Variants in MFSD6 observed in about 807,000 individuals in gnomAD.
The protein encoded by MFSD6 is major facilitator superfamily domain containing 6.
MFSD6 carries 26 observed loss-of-function variants against 56.3 expected under a neutral mutation model. The ratio of observed to expected loss-of-function variants is 0.46; its 90% CI spans 0.34 to 0.64. The LOEUF is 0.64. Among genes scored for constraint, MFSD6 ranks in the 30% least tolerant of loss-of-function variants. The pLI is 0.01. For synonymous variants in MFSD6, 331 were observed against 366.9 expected (o/e 0.90, Z 1.12); for missense variants, 750 against 986.2 (o/e 0.76, Z 3.21).
chr2:190,464,614 G>A (rs1687501520), intron 3 of MFSD6, among the ~76,000 whole-genome samples: 1 of 152,146 alleles, frequency 6.6e-6, no homozygotes, highest in African/African-American at 2.4e-5. Context: ...TGCCTGTGAT[G>A]CTCTTTCTGC....
At position 190,410,309 on chromosome 2, in the gene MFSD6, G is replaced by C. The variant is rs1401735210; in HGVS notation, c.-176+1806G>C. ...GCATGACAAAAAGGAAGCTCAGAAGGGTTAAGCAACTTACACAAACCACAT... is the reference window on the plus strand; with the variant it reads ...GCATGACAAAAAGGAAGCTCAGAAGCGTTAAGCAACTTACACAAACCACAT... On this transcript the variant is annotated intron_variant, in intron 1 of 7. Coordinates refer to ENST00000392328, the MANE Select transcript of MFSD6 (RefSeq NM_017694.4). This position sits in a 1 kb window ranked among gnomAD's most constrained non-coding sequence, Gnocchi z 4.4. Among the ~76,000 whole-genome samples the C allele has an allele frequency of 6.6e-6, 1 of 152,088 alleles. No individual in the cohort carries two copies. The highest frequency in any genetic ancestry group is 1.5e-5 in the Non-Finnish European group (1 of 68,024).
rs987361456 is a variant in MFSD6 at position 190,459,477 on chromosome 2, G to GGT, written c.1533-10271_1533-10270dup. ...GAAATTTTTAAACAAAATTGTAGGG[G>GGT]GTGTGTGTGTGAATATGTTCAGTCA... is the stretch of plus-strand genomic sequence containing the variant. On this transcript the variant is annotated intron_variant, in intron 3 of 7. Transcript: ENST00000392328. The surrounding 1 kb of genome is among the most constrained non-coding windows in gnomAD (Gnocchi z 5.3). Among the ~76,000 whole-genome samples, 42 of 152,142 alleles carry GGT rather than the reference G, an allele frequency of 2.8e-4. No individual in the cohort carries two copies. The highest frequency in any genetic ancestry group is 9.2e-4 in the African/African-American group (38 of 41,520).
intron 1 of MFSD6, among the ~76,000 whole-genome samples, chr2:190,414,441 TTAAA>T: frequency 6.6e-6 from 1 of 152,216 alleles, no homozygotes; most frequent in East Asian, 1.9e-4. Context: ...ATAAGGGAGT[TTAAA>T]TAAAAGACTT....
At position 190,416,066 on chromosome 2, in the gene MFSD6, C is replaced by A. The variant is rs976486952; in HGVS notation, c.-54+653C>A. Among the ~76,000 whole-genome samples the A allele has an allele frequency of 3.3e-5, 5 of 152,132 alleles. No individual in the cohort carries two copies. Among genetic ancestry groups the A allele is most frequent in the African/African-American group, 1.2e-4 (5 of 41,426 alleles). On this transcript the variant is annotated intron_variant, in intron 2 of 7. Transcript: ENST00000392328. The surrounding 1 kb of genome is among the most constrained non-coding windows in gnomAD (Gnocchi z 4.1). ...GGAAATGAAGTTCTGGGGCCTGCTT[C>A]AAATTTATATTATAAATTATGCTAT...
At position 190,463,020 on chromosome 2, in the gene MFSD6, G is replaced by A. The variant is rs1687409386; in HGVS notation, c.1533-6738G>A. ...CTTTCAAACCAGCCAGTCCTGGAGT[G>A]GGACACAGGATGCAGGAGATGCCAT... On this transcript the variant is annotated intron_variant, in intron 3 of 7. Coordinates refer to ENST00000392328, the MANE Select transcript of MFSD6 (RefSeq NM_017694.4). This position sits in a 1 kb window ranked among gnomAD's most constrained non-coding sequence, Gnocchi z 4.4. Among the ~76,000 whole-genome samples, 1 of 152,148 alleles carries A rather than the reference G, an allele frequency of 6.6e-6. No individual in the cohort carries two copies. Among genetic ancestry groups the A allele is most frequent in the Non-Finnish European group, 1.5e-5 (1 of 68,030 alleles).
At chr2:190,411,476 G>A in intron 1 of MFSD6, 1 of 985,348 alleles carries the variant, frequency 1.0e-6, no homozygotes, top group East Asian at 1.1e-4. Flanking sequence ...CTATCTTCAG[G>A]AAGTGAGACA....
rs953536342 is a variant in MFSD6, at chr2:190,418,609, T to C, written c.-54+3196T>C. Among the ~76,000 whole-genome samples the C allele has an allele frequency of 2.0e-5, 3 of 152,104 alleles. No individual in the cohort carries two copies. Among genetic ancestry groups the C allele is most frequent in the African/African-American group, 4.8e-5 (2 of 41,418 alleles). Reference sequence around the variant, plus strand: ...TGTCTCTGCAAACAACTGAAAAGAATAGCTGAAAGTGGTGGTGTGTGCCTG... The same window carrying C: ...TGTCTCTGCAAACAACTGAAAAGAACAGCTGAAAGTGGTGGTGTGTGCCTG... On this transcript the variant is annotated intron_variant, in intron 2 of 7. Coordinates refer to ENST00000392328, the MANE Select transcript of MFSD6 (RefSeq NM_017694.4). This position sits in a 1 kb window ranked among gnomAD's most constrained non-coding sequence, Gnocchi z 4.1.
In MFSD6 at chr2:190,426,156, T is replaced by G. The variant is rs1238218812; in HGVS notation, c.-53-9821T>G. The stretch of plus-strand genomic sequence containing the variant: ...TTGACAACTTTTTCACTCCCTTTTT[T>G]TCTCCTCACCTTCCAGGACTATGAT... On this transcript the variant is annotated intron_variant, in intron 2 of 7. Coordinates refer to ENST00000392328, the MANE Select transcript of MFSD6 (RefSeq NM_017694.4). This position sits in a 1 kb window ranked among gnomAD's most constrained non-coding sequence, Gnocchi z 4.7. Among the ~76,000 whole-genome samples, 2 of 152,210 alleles carry G rather than the reference T, an allele frequency of 1.3e-5. No individual in the cohort carries two copies. The highest frequency in any genetic ancestry group is 2.9e-5 in the Non-Finnish European group (2 of 68,040).
rs760678916 is a variant in MFSD6, at chr2:190,436,228, G to A, written c.199G>A (p.Asp67Asn). The change falls in exon 3 of 8, where the codon GAT becomes AAT. Residue 67 changes from aspartate (D) to asparagine (N), a missense_variant. Coordinates refer to ENST00000392328, the MANE Select transcript of MFSD6 (RefSeq NM_017694.4). This position sits in a 1 kb window ranked among gnomAD's most constrained non-coding sequence, Gnocchi z 5.3. ...IEKHCVKINN[D>N]LLISKVFYFF... Reference sequence around the variant, plus strand: ...GAAACATTGTGTTAAGATAAACAACGATCTTCTAATTTCCAAGGTCTTTTA... The same window carrying A: ...GAAACATTGTGTTAAGATAAACAACAATCTTCTAATTTCCAAGGTCTTTTA... The A allele has an allele frequency of 9.9e-6, 16 of 1,613,884 alleles. No homozygotes were observed. In the African/African-American group the frequency reaches 1.5e-4, roughly 15 times the overall value.
chr2:190,429,667 A>C (rs911212060), intron 2 of MFSD6, among the ~76,000 whole-genome samples: 3 of 152,032 alleles, frequency 2.0e-5, no homozygotes, highest in African/African-American at 7.2e-5. Flanking sequence ...TTAATGTTTA[A>C]TATACTCTGT....
intron 4 of MFSD6, among the ~76,000 whole-genome samples, chr2:190,475,484 C>G (rs893016221): frequency 6.6e-6 from 1 of 152,032 alleles, no homozygotes; most frequent in African/African-American, 2.4e-5. Context: ...GAATAAAATA[C>G]CTAGGAATCC....
At chr2:190,432,524 C>T (rs1378123801) in intron 2 of MFSD6, among the ~76,000 whole-genome samples, 2 of 152,180 alleles carry the variant, frequency 1.3e-5, no homozygotes, top group Non-Finnish European at 2.9e-5. Flanking sequence ...TCAAGTGATT[C>T]TCTTGCCTCA....
At position 190,413,820 on chromosome 2, in the gene MFSD6, C is replaced by A. The variant is rs903133987; in HGVS notation, c.-175-1472C>A. Among the ~76,000 whole-genome samples, 2 of 152,160 alleles carry A rather than the reference C, an allele frequency of 1.3e-5. No individual in the cohort carries two copies. The highest frequency in any genetic ancestry group is 2.9e-5 in the Non-Finnish European group (2 of 68,028). On this transcript the variant is annotated intron_variant, in intron 1 of 7. Coordinates refer to ENST00000392328, the MANE Select transcript of MFSD6 (RefSeq NM_017694.4). This position sits in a 1 kb window ranked among gnomAD's most constrained non-coding sequence, Gnocchi z 4.1. ...CCAATAAACCAATGTACCATGAGCC[C>A]TGCTATACTGTGGGGTGAAGAGGAG...
At chr2:190,449,875 A>G (rs868467862) in intron 3 of MFSD6, among the ~76,000 whole-genome samples, 52 of 151,862 alleles carry the variant, frequency 3.4e-4, no homozygotes, top group East Asian at 7.8e-4. Context: ...GGGGTGGGGG[A>G]AGGGGGGAGG....
At position 190,413,073 on chromosome 2, in the gene MFSD6, A is replaced by G. The variant is rs1340140998; in HGVS notation, c.-175-2219A>G. Among the ~76,000 whole-genome samples, 1 of 152,214 alleles carries G rather than the reference A, an allele frequency of 6.6e-6. No homozygotes were observed. The highest frequency in any genetic ancestry group is 6.5e-5 in the Admixed American group (1 of 15,282). Reference sequence around the variant, plus strand: ...GTTGCTATGTTATGGCTTTAAAAAGAGCACACCCTCCCAAACCCCCACCTC... The same window carrying G: ...GTTGCTATGTTATGGCTTTAAAAAGGGCACACCCTCCCAAACCCCCACCTC... On this transcript the variant is annotated intron_variant, in intron 1 of 7. Coordinates refer to ENST00000392328, the MANE Select transcript of MFSD6 (RefSeq NM_017694.4). The surrounding 1 kb of genome is among the most constrained non-coding windows in gnomAD (Gnocchi z 4.1).
chr2:190,421,363 G>A (rs924436646), intron 2 of MFSD6, among the ~76,000 whole-genome samples: 8 of 152,182 alleles, frequency 5.3e-5, no homozygotes, highest in Non-Finnish European at 1.2e-4. Flanking sequence ...AGTGATAGAA[G>A]GGTGTTAGTA....
rs548225094 is a variant in MFSD6, at chr2:190,431,143, G to A, written c.-53-4834G>A. On this transcript the variant is annotated intron_variant, in intron 2 of 7. Coordinates refer to ENST00000392328, the MANE Select transcript of MFSD6 (RefSeq NM_017694.4). The surrounding 1 kb of genome is among the most constrained non-coding windows in gnomAD (Gnocchi z 4.4). Reference sequence around the variant, plus strand: ...CAGAGGCGCTCCCCACATCTCAGACGATGGGCAGCCAGGCAGAGACGCTCC... The same window carrying A: ...CAGAGGCGCTCCCCACATCTCAGACAATGGGCAGCCAGGCAGAGACGCTCC... Among the ~76,000 whole-genome samples, 404 of 150,918 alleles carry A rather than the reference G, an allele frequency of 2.7e-3. 2 individuals are homozygous for A. The highest frequency in any genetic ancestry group is 9.6e-3 in the African/African-American group (396 of 41,076).
rs551872655 is a variant in MFSD6 at position 190,431,445 on chromosome 2, G to A, written c.-53-4532G>A. On this transcript the variant is annotated intron_variant, in intron 2 of 7. Coordinates refer to ENST00000392328, the MANE Select transcript of MFSD6 (RefSeq NM_017694.4). The surrounding 1 kb of genome is among the most constrained non-coding windows in gnomAD (Gnocchi z 4.4). Reference sequence around the variant, plus strand: ...TCACTGAGTGAACGAGACTCCGTCTGCAATCCCGGCACCTCTGGAGGCCGA... The same window carrying A: ...TCACTGAGTGAACGAGACTCCGTCTACAATCCCGGCACCTCTGGAGGCCGA... Among the ~76,000 whole-genome samples, 2 of 152,372 alleles carry A rather than the reference G, an allele frequency of 1.3e-5. No individual in the cohort carries two copies. The highest frequency in any genetic ancestry group is 4.1e-4 in the South Asian group (2 of 4,832).
intron 4 of MFSD6, among the ~76,000 whole-genome samples, chr2:190,476,864 C>T (rs1426598425): frequency 6.6e-6 from 1 of 152,016 alleles, no homozygotes; most frequent in Non-Finnish European, 1.5e-5. Flanking sequence ...CCATGGAGTA[C>T]TATGCAGCCA....
Sources: allele counts gnomAD v4.1 joint callset (sites outside exome capture counted in the v4.1 genomes callset), GRCh38; gene constraint gnomAD v4.1.1; non-coding constraint Gnocchi (gnomAD v3.1); transcripts MANE v1.5; gene names NCBI Gene and HGNC (gene_info 2026-07-23, HGNC 2026-07-21).